The following TBL1XR1 variants were observed in gnomAD, a reference collection of about 807,000 sequenced individuals.
TBL1XR1 encodes F-box-like/WD repeat-containing protein TBL1XR1.
TBL1XR1 carries 5 observed loss-of-function variants against 66.9 expected under a neutral mutation model. That is an observed-to-expected ratio of 0.07 (90% CI 0.04 to 0.16). TBL1XR1 has a LOEUF of 0.16. Among genes scored for constraint, TBL1XR1 ranks in the 10% least tolerant of loss-of-function variants. The pLI is 1.00. For synonymous variants in TBL1XR1, 210 were observed against 206.0 expected (o/e 1.02, Z -0.17); for missense variants, 238 against 623.2 (o/e 0.38, Z 6.58).
chr3:177,030,478 T>C (rs1160723446), intron 14 of TBL1XR1, among the ~76,000 whole-genome samples: 2 of 151,960 alleles, frequency 1.3e-5, no homozygotes, highest in South Asian at 4.1e-4. Context: ...CAGAAAATAG[T>C]AGTATATATC....
intron 1 of TBL1XR1, among the ~76,000 whole-genome samples, chr3:177,112,125 T>G (rs1486105531): frequency 3.7e-5 from 4 of 108,662 alleles, no homozygotes; most frequent in African/African-American, 7.2e-5. Context: ...TTTTTTTTTT[T>G]GTGAGGGGCT....
intron 2 of TBL1XR1, among the ~76,000 whole-genome samples, chr3:177,089,414 A>G (rs1431155776): frequency 6.6e-6 from 1 of 152,158 alleles, no homozygotes; most frequent in African/African-American, 2.4e-5. Context: ...TGGACAAATT[A>G]CCCGAGGTTC....
intron 1 of TBL1XR1, among the ~76,000 whole-genome samples, chr3:177,138,615 GA>G (rs1729272400): frequency 6.6e-6 from 1 of 151,938 alleles, no homozygotes; most frequent in East Asian, 1.9e-4. Context: ...GGGAGAGGGG[GA>G]AAGTGGGCAT....
At chr3:177,150,159 C>T (rs1342223152) in intron 1 of TBL1XR1, among the ~76,000 whole-genome samples, 1 of 152,106 alleles carries the variant, frequency 6.6e-6, no homozygotes, top group Non-Finnish European at 1.5e-5. Context: ...AAGATGTTGT[C>T]AACCAAGAGC....
In TBL1XR1 at chr3:177,043,282, C is replaced by T. The variant is rs76494457; in HGVS notation, c.925+2847G>A. Among the ~76,000 whole-genome samples the T allele has an allele frequency of 8.9e-3, 1,361 of 152,270 alleles. 5 individuals are homozygous for T. The highest frequency in any genetic ancestry group is 0.015 in the Non-Finnish European group (988 of 67,980). ...CTAAAGTCTTCAACAATTGGAAGCA[C>T]AATAATTTCTATTTCCTTTGAAGTT... is the stretch of plus-strand genomic sequence containing the variant. On this transcript the variant is annotated intron_variant, in intron 10 of 15. Coordinates refer to ENST00000457928, the MANE Select transcript of TBL1XR1 (RefSeq NM_024665.7).
At chr3:177,112,074 AATATATATATATATATAT>A (rs1170375681) in intron 1 of TBL1XR1, among the ~76,000 whole-genome samples, 1 of 40,946 alleles carries the variant, frequency 2.4e-5, no homozygotes, top group Admixed American at 3.7e-4. Flanking sequence ...TATAAAATCA[AATATATATATATATATAT>A]ATATATATAT....
chr3:177,178,365 C>T (rs1734402150), intron 1 of TBL1XR1, among the ~76,000 whole-genome samples: 1 of 152,038 alleles, frequency 6.6e-6, no homozygotes, highest in Admixed American at 6.6e-5. Context: ...TTCTTCTGTG[C>T]ACTCTATAAA....
intron 2 of TBL1XR1, among the ~76,000 whole-genome samples, chr3:177,076,577 G>C (rs1385881346): frequency 6.6e-6 from 1 of 152,166 alleles, no homozygotes; most frequent in East Asian, 1.9e-4. Flanking sequence ...ACTAAGCTGA[G>C]AAAGCCTGGG....
At chr3:177,106,680 A>G (rs1040533350) in intron 1 of TBL1XR1, among the ~76,000 whole-genome samples, 1 of 152,186 alleles carries the variant, frequency 6.6e-6, no homozygotes, top group East Asian at 1.9e-4. Flanking sequence ...ATAAGACATA[A>G]TGCATATTAA....
At chr3:177,083,621 T>C (rs1315805665) in intron 2 of TBL1XR1, among the ~76,000 whole-genome samples, 1 of 152,108 alleles carries the variant, frequency 6.6e-6, no homozygotes, top group African/African-American at 2.4e-5. Flanking sequence ...TTCAAACATA[T>C]AGAAAAAAAA....
chr3:177,126,969 C>T (rs1365096932), intron 1 of TBL1XR1, among the ~76,000 whole-genome samples: 4 of 152,100 alleles, frequency 2.6e-5, no homozygotes, highest in African/African-American at 9.7e-5. Flanking sequence ...TTTAGCAAAA[C>T]CCAGTTTCAG....
At chr3:177,100,670 A>G (rs1250172431) in intron 1 of TBL1XR1, among the ~76,000 whole-genome samples, 1 of 152,082 alleles carries the variant, frequency 6.6e-6, no homozygotes, top group Non-Finnish European at 1.5e-5. Context: ...AGTGATCCAC[A>G]CGTCTCCAAC....
intron 1 of TBL1XR1, among the ~76,000 whole-genome samples, chr3:177,170,155 A>C (rs927719894): frequency 1.3e-5 from 2 of 152,100 alleles, no homozygotes; most frequent in East Asian, 3.9e-4. Flanking sequence ...AGGTGCTGCC[A>C]GGGTTATCTG....
intron 1 of TBL1XR1, among the ~76,000 whole-genome samples, chr3:177,165,111 A>C (rs1260582262): frequency 1.3e-5 from 2 of 152,214 alleles, no homozygotes; most frequent in African/African-American, 2.4e-5. Flanking sequence ...AAATAAAACT[A>C]TCTTTGTTCA....
At chr3:177,133,005 T>G (rs2108792186) in intron 1 of TBL1XR1, among the ~76,000 whole-genome samples, 1 of 152,300 alleles carries the variant, frequency 6.6e-6, no homozygotes, top group South Asian at 2.1e-4. Context: ...AATAAATGAA[T>G]CGGCCAGGTG....
At chr3:177,112,502 A>T (rs1008890899) in intron 1 of TBL1XR1, among the ~76,000 whole-genome samples, 1 of 152,150 alleles carries the variant, frequency 6.6e-6, no homozygotes, top group South Asian at 2.1e-4. Flanking sequence ...TTATGCATAC[A>T]GATTGAGATC....
rs1020588029 is a variant in TBL1XR1, at chr3:177,072,884, C to T, written c.-45-7862G>A. Reference sequence around the variant, plus strand: ...TTCGAGACCAGCCTGGCCAACATGGCGAAACCCTGTCTCTATTAAAAATAC... The same window carrying T: ...TTCGAGACCAGCCTGGCCAACATGGTGAAACCCTGTCTCTATTAAAAATAC... On this transcript the variant is annotated intron_variant, in intron 2 of 15. Transcript: ENST00000457928. Among the ~76,000 whole-genome samples, 7 of 151,966 alleles carry T rather than the reference C, an allele frequency of 4.6e-5. 1 individual carries two copies. Among genetic ancestry groups the T allele is most frequent in the Admixed American group, 6.6e-5 (1 of 15,250 alleles).
At chr3:177,074,385 C>G (rs990196507) in intron 2 of TBL1XR1, among the ~76,000 whole-genome samples, 3 of 152,178 alleles carry the variant, frequency 2.0e-5, no homozygotes, top group African/African-American at 7.2e-5. Flanking sequence ...AAAGTCCTTG[C>G]GTATGAGCCA....
intron 1 of TBL1XR1, among the ~76,000 whole-genome samples, chr3:177,168,380 C>T (rs796191594): frequency 4.0e-5 from 6 of 151,796 alleles, no homozygotes; most frequent in African/African-American, 1.5e-4. Context: ...CTCCCGCATT[C>T]AAGCGATTCT....
Sources: gnomAD v4.1 joint callset for allele counts (sites outside exome capture counted in the v4.1 genomes callset) on GRCh38, gnomAD v4.1.1 for gene constraint, MANE v1.5 for transcripts, NCBI Gene and HGNC (gene_info 2026-07-23, HGNC 2026-07-21) for gene names.